Variants in VGLL1 observed in about 807,000 individuals in gnomAD.
The protein encoded by VGLL1 is transcription cofactor vestigial-like protein 1.
In VGLL1, 4 loss-of-function variants were observed where a neutral mutation model predicts 12.0. The ratio of observed to expected loss-of-function variants is 0.33; its 90% CI spans 0.16 to 0.76. The LOEUF (loss-of-function observed/expected upper bound fraction) is 0.76, where lower values mean the gene tolerates loss of function less well. Among genes scored for constraint, VGLL1 ranks in the 30% least tolerant of loss-of-function variants. The pLI is 0.60. For synonymous variants in VGLL1, 87 were observed against 81.2 expected (o/e 1.07, Z -0.39); for missense variants, 204 against 208.7 (o/e 0.98, Z 0.14).
chrX:136,555,620 A>G (rs2075898969), intron 4 of VGLL1, among the ~76,000 whole-genome samples: 1 of 111,966 alleles, frequency 8.9e-6, no homozygotes. Context: ...TTGAAAGTAT[A>G]GAAAAGAAAG....
chrX:136,538,923 G>A (rs1951572779), intron 2 of VGLL1, among the ~76,000 whole-genome samples: 1 of 109,561 alleles, frequency 9.1e-6, no homozygotes. Context: ...GGGTGGGTGG[G>A]GAGTGGGGAG....
At chrX:136,535,788 T>C (rs983696908) in intron 1 of VGLL1, among the ~76,000 whole-genome samples, 1 of 111,502 alleles carries the variant, frequency 9.0e-6, no homozygotes, top group Admixed American at 9.5e-5. Flanking sequence ...TCATGGAGAT[T>C]TGTCATGTTG....
chrX:136,548,063 C>A, intron 2 of VGLL1, among the ~76,000 whole-genome samples: 1 of 111,183 alleles, frequency 9.0e-6, no homozygotes, highest in Admixed American at 9.5e-5. Flanking sequence ...TGAAGTGGAG[C>A]AATCTCGGCC....
At chrX:136,544,009 A>C (rs1426375575) in intron 2 of VGLL1, among the ~76,000 whole-genome samples, 1 of 112,084 alleles carries the variant, frequency 8.9e-6, no homozygotes, top group Non-Finnish European at 1.9e-5. Flanking sequence ...ACAGATAAGC[A>C]TTCAGGAAAC....
At chrX:136,532,573 ATTTCTTTCTTTCTTTCTTTC>A (rs778585359) in intron 1 of VGLL1, among the ~76,000 whole-genome samples, 3,889 of 41,451 alleles carry the variant, frequency 0.094, 175 homozygotes, top group Non-Finnish European at 0.1. Context: ...GTGCTCAAAT[ATTTCTTTCTTTCTTTCTTTC>A]TTTCTTTCTT....
chrX:136,535,227 A>G (rs774113965), intron 1 of VGLL1, among the ~76,000 whole-genome samples: 1 of 112,328 alleles, frequency 8.9e-6, no homozygotes, highest in African/African-American at 3.2e-5. Flanking sequence ...GCTATTGAGC[A>G]TCTACTCTAT....
intron 2 of VGLL1, among the ~76,000 whole-genome samples, chrX:136,544,208 T>A (rs773565035): frequency 8.9e-6 from 1 of 112,295 alleles, no homozygotes; most frequent in Non-Finnish European, 1.9e-5. Context: ...TGTACCAAAT[T>A]TATTAAAATT....
chrX:136,549,024 C>T lies in VGLL1; in HGVS notation c.634+16C>T, dbSNP rs2075878085. ...TCAGTTCACTGTAAGGAAATGCCTA[C>T]AGATACTTGGAGGGGTGCCTCTGAT... On this transcript the variant is annotated intron_variant, in intron 3 of 4. Transcript: ENST00000370634. 1 of 1,188,658 alleles carries T rather than the reference C, an allele frequency of 8.4e-7. No homozygotes were observed. The highest frequency in any genetic ancestry group is 1.8e-5 in the African/African-American group (1 of 56,747).
At chrX:136,538,604 G>A (rs974195258) in intron 2 of VGLL1, among the ~76,000 whole-genome samples, 1 of 112,405 alleles carries the variant, frequency 8.9e-6, no homozygotes, top group African/African-American at 3.2e-5. Context: ...ACTGGAAGAC[G>A]TACGTACCTC....
chrX:136,536,187 A>G lies in VGLL1; in HGVS notation c.167A>G (p.Gln56Arg). ...GCTCTGAGCAATATCAAGAGCCCCC[A>G]GGAATTGACCCCCTCGAGTCAGAGT... is the stretch of plus-strand genomic sequence containing the variant. ...SRALSNIKSPQELTPSSQSEG... is the reference protein window; with the variant it reads ...SRALSNIKSPRELTPSSQSEG... Residue 56 changes from glutamine (Q) to arginine (R), a missense_variant, in exon 2 of 5, where the codon CAG (glutamine) becomes CGG (arginine). Coordinates refer to ENST00000370634, the MANE Select transcript of VGLL1 (RefSeq NM_016267.4). The G allele has an allele frequency of 8.3e-7, 1 of 1,211,453 alleles. No homozygotes were observed. Among genetic ancestry groups the G allele is most frequent in the Non-Finnish European group, 1.1e-6 (1 of 895,454 alleles).
intron 2 of VGLL1, among the ~76,000 whole-genome samples, chrX:136,539,752 A>AG (rs898469947): frequency 2.7e-5 from 3 of 111,884 alleles, no homozygotes; most frequent in African/African-American, 9.8e-5. Flanking sequence ...TCTGCAAACC[A>AG]GAATGGATTT....
intron 2 of VGLL1, among the ~76,000 whole-genome samples, chrX:136,543,220 G>A (rs1407838574): frequency 8.9e-6 from 1 of 111,986 alleles, no homozygotes; most frequent in Non-Finnish European, 1.9e-5. Context: ...TGAAAGAGGG[G>A]AAGGAACTGA....
intron 2 of VGLL1, among the ~76,000 whole-genome samples, chrX:136,538,649 G>A (rs780971490): frequency 2.8e-4 from 31 of 112,716 alleles, no homozygotes; most frequent in Non-Finnish European, 5.1e-4. Flanking sequence ...GGACAAGTGG[G>A]GCCTCTGCCT....
chrX:136,537,355 A>G (rs1437915847), intron 2 of VGLL1, among the ~76,000 whole-genome samples: 1 of 110,706 alleles, frequency 9.0e-6, no homozygotes, highest in Non-Finnish European at 1.9e-5. Context: ...CCTGAGTGGC[A>G]AAGCAAGACC....
At chrX:136,544,115 A>G (rs1227186009) in intron 2 of VGLL1, among the ~76,000 whole-genome samples, 2 of 112,007 alleles carry the variant, frequency 1.8e-5, no homozygotes, top group Non-Finnish European at 3.8e-5. Context: ...TAAAAAATTC[A>G]TCAATGTCAT....
chrX:136,547,839 T>C (rs917686260), intron 2 of VGLL1, among the ~76,000 whole-genome samples: 1 of 111,783 alleles, frequency 8.9e-6, no homozygotes. Context: ...GAGATGCTCA[T>C]TGTAATGCTG....
intron 2 of VGLL1, among the ~76,000 whole-genome samples, chrX:136,547,107 C>A (rs1021230257): frequency 1.8e-5 from 2 of 112,376 alleles, no homozygotes; most frequent in Non-Finnish European, 3.8e-5. Flanking sequence ...TTCAAGAGCG[C>A]TAGGAGAGGT....
chrX:136,532,645 CTTT>C (rs2075827858), intron 1 of VGLL1, among the ~76,000 whole-genome samples: 1 of 77,997 alleles, frequency 1.3e-5, no homozygotes. Flanking sequence ...TTCTTTCTTT[CTTT>C]CTTTCTTTCT....
chrX:136,538,998 T>A (rs1257140855), intron 2 of VGLL1, among the ~76,000 whole-genome samples: 2 of 110,870 alleles, frequency 1.8e-5, no homozygotes, highest in Admixed American at 1.9e-4. Flanking sequence ...CTTGAATCAT[T>A]TGGGGGATTG....
Sources: gnomAD v4.1 joint callset for allele counts (sites outside exome capture counted in the v4.1 genomes callset) on GRCh38, gnomAD v4.1.1 for gene constraint, MANE v1.5 for transcripts, NCBI Gene and HGNC (gene_info 2026-07-23, HGNC 2026-07-21) for gene names.